Variants in COL2A1 observed in about 807,000 individuals in gnomAD.
COL2A1 encodes the protein collagen alpha-1(II) chain.
Under a neutral mutation model 204.5 loss-of-function variants are expected in COL2A1, and 28 were observed. The observed-to-expected ratio is 0.14, with a 90% CI of 0.10 to 0.19. The LOEUF (loss-of-function observed/expected upper bound fraction) is 0.19. Among genes scored for constraint, COL2A1 ranks in the 10% least tolerant of loss-of-function variants. The pLI is 1.00. For missense variants in COL2A1, 1,388 were observed against 2,027.5 expected (o/e 0.68, Z 6.06); for synonymous variants, 708 against 718.7 (o/e 0.99, Z 0.24).
At chr12:47,977,705 C>G (rs773348184) in intron 44 of COL2A1, 52 bp from the exon 45 acceptor site, 2 of 1,577,874 alleles carry the variant, frequency 1.3e-6, no homozygotes, top group South Asian at 2.3e-5. Flanking sequence ...GCCCATCTCC[C>G]CCTCTGCTCC....
At position 47,980,707 on chromosome 12, in the gene COL2A1, C is replaced by T; in HGVS notation, c.2518-46G>A. 6.4e-7 allele frequency: 1 copy of T among 1,560,620 alleles called. No homozygotes were observed. The highest frequency in any genetic ancestry group is 8.7e-7 in the Non-Finnish European group (1 of 1,144,212). ...CAGGTGAATGAGGGGCAGGCTAAAA[C>T]CCTGGAGCTCTTCCAGAAGAGCAGG... On this transcript the variant is annotated intron_variant, in intron 38 of 53. Transcript: ENST00000380518. The surrounding 1 kb of genome is among the most constrained non-coding windows in gnomAD (Gnocchi z 4.5).
chr12:48,002,883 C>T (rs962683573), intron 1 of COL2A1: 6 of 152,284 alleles, frequency 3.9e-5, no homozygotes, highest in Admixed American at 3.9e-4. Flanking sequence ...TCCAGCCCTG[C>T]CCCCGCTGCG....
chr12:47,977,285 GGGAAGGC>G (rs1237539633), intron 46 of COL2A1, 28 bp downstream of exon 46: 1 of 1,589,592 alleles, frequency 6.3e-7, no homozygotes, highest in Non-Finnish European at 8.6e-7. Context: ...CACCGCGCAG[GGGAAGGC>G]GGCTTTTACT....
In COL2A1 at chr12:47,975,348, G is replaced by T. The variant is rs1006482371; in HGVS notation, c.3855C>A (p.Asp1285Glu). The part of the protein sequence containing the change: ...SRKNPARTCR[D>E]LKLCHPEWKS... ...TCCACTCAGGGTGGCAGAGTTTCAG[G>T]TCTCTGCAGGTGCGAGCAGGGTTCT... Residue 1285 changes from aspartate (D) to glutamate (E), a missense_variant, in exon 51 of 54, where the codon GAC becomes GAA. Transcript: ENST00000380518. The T allele has an allele frequency of 6.2e-7, 1 of 1,614,022 alleles. No homozygotes were observed. Among genetic ancestry groups the T allele is most frequent in the Non-Finnish European group, 8.5e-7 (1 of 1,180,052 alleles).
chr12:47,988,798 C>A (rs1939565884), intron 18 of COL2A1, among the ~76,000 whole-genome samples: 1 of 152,220 alleles, frequency 6.6e-6, no homozygotes. Context: ...AAGCAGAAAC[C>A]CAGAGGGGAG....
chr12:47,993,044 C>T (rs1397305175), intron 15 of COL2A1, 113 bp from the exon 16 acceptor site: 3 of 1,002,006 alleles, frequency 3.0e-6, no homozygotes, highest in Non-Finnish European at 1.6e-6. Context: ...GATGCCCACA[C>T]CCAGGAAAAC....
At position 47,987,769 on chromosome 12, in the gene COL2A1, G is replaced by T. The variant is rs1467606080; in HGVS notation, c.1123-60C>A. Reference sequence around the variant, plus strand: ...AGAGAGGGGACACAGACCTCTAGTGGGTGGGCAATAGCTCAGGGCCAGCTG... The same window carrying T: ...AGAGAGGGGACACAGACCTCTAGTGTGTGGGCAATAGCTCAGGGCCAGCTG... On this transcript the variant is annotated intron_variant, in intron 18 of 53. Transcript: ENST00000380518. The surrounding 1 kb of genome is among the most constrained non-coding windows in gnomAD (Gnocchi z 4.1). 2 of 1,354,256 alleles carry T rather than the reference G, an allele frequency of 1.5e-6. No homozygotes were observed. Among genetic ancestry groups the T allele is most frequent in the African/African-American group, 1.4e-5 (1 of 69,440 alleles). 83.9% of individuals were successfully genotyped at this position (1,354,256 alleles called of 1,614,324 possible).
intron 33 of COL2A1, 81 bp from the exon 34 acceptor site, chr12:47,982,690 G>A (rs1939164184): frequency 1.6e-6 from 2 of 1,286,320 alleles, no homozygotes; most frequent in Admixed American, 1.8e-5. Context: ...GGTAACCAGG[G>A]CCCCAAACCC....
chr12:47,984,422 G>T, intron 28 of COL2A1, 124 bp downstream of exon 28: 1 of 1,029,668 alleles, frequency 9.7e-7, no homozygotes, highest in Non-Finnish European at 1.5e-6. Flanking sequence ...ATGGGGCTCA[G>T]CCACAGAGAT....
At chr12:47,977,558 G>A (rs1347457590) in intron 45 of COL2A1, 42 bp downstream of exon 45, 1 of 1,612,658 alleles carries the variant, frequency 6.2e-7, no homozygotes, top group Non-Finnish European at 8.5e-7. Context: ...CCGAGGCAAT[G>A]TCCTCCCCAA....
rs41317919 is a variant in COL2A1 at position 47,986,967 on chromosome 12, C to T, written c.1366-79G>A. The T allele has an allele frequency of 3.7e-4, 592 of 1,598,824 alleles. 1 individual carries two copies. The Admixed American group carries it at 5.6e-3, about 15-fold the overall frequency. On this transcript the variant is annotated intron_variant, in intron 21 of 53. Coordinates refer to ENST00000380518, the MANE Select transcript of COL2A1 (RefSeq NM_001844.5). ...TCCCCAGAACCCCTGTTCAAGATGCCCTCGGATGGAGGCCGCTGTGAGGCC... is the reference window on the plus strand; with the variant it reads ...TCCCCAGAACCCCTGTTCAAGATGCTCTCGGATGGAGGCCGCTGTGAGGCC...
At position 47,978,861 on chromosome 12, in the gene COL2A1, C is replaced by T. The variant is rs1216261664; in HGVS notation, c.2734-103G>A. ...GTGACAGCAGTTTCCTCTCTGGGGG[C>T]TTCTCTACCTCCCCACACTAAGGGC... is the stretch of plus-strand genomic sequence containing the variant. On this transcript the variant is annotated intron_variant, in intron 41 of 53. Coordinates refer to ENST00000380518, the MANE Select transcript of COL2A1 (RefSeq NM_001844.5). The surrounding 1 kb of genome is among the most constrained non-coding windows in gnomAD (Gnocchi z 5.5). 2.5e-6 allele frequency: 3 copies of T among 1,198,198 alleles called. No homozygotes were observed. The African/African-American group carries it at 4.5e-5, about 18-fold the overall frequency. 74.2% of individuals were successfully genotyped at this position (1,198,198 alleles called of 1,614,324 possible). A position where few individuals can be genotyped will look rare whatever the true frequency, so the allele number is the denominator to read the frequency against.
intron 1 of COL2A1, among the ~76,000 whole-genome samples, chr12:48,003,682 G>A (rs1204491405): frequency 6.6e-6 from 1 of 152,112 alleles, no homozygotes; most frequent in Non-Finnish European, 1.5e-5. Flanking sequence ...TGTGGCCTGG[G>A]ATTTCAGCCC....
rs142786064 is a variant in COL2A1 at position 47,978,037 on chromosome 12, C to T, written c.3084G>A (p.Thr1028=). 5 of 1,613,520 alleles carry T rather than the reference C, an allele frequency of 3.1e-6. No homozygotes were observed. Among genetic ancestry groups the T allele is most frequent in the African/African-American group, 2.7e-5 (2 of 74,872 alleles). ...PPGPVGPPGL[T]GPAGEPGREG... Reference sequence around the variant, plus strand: ...CTCGTCCAGGTTCACCTGCAGGACCCGTCAGGCCAGGAGGACCCACGGGGC... The same window carrying T: ...CTCGTCCAGGTTCACCTGCAGGACCTGTCAGGCCAGGAGGACCCACGGGGC... The change falls in exon 44 of 54, where the codon ACG becomes ACA. Residue 1028 remains threonine, a synonymous_variant. Coordinates refer to ENST00000380518, the MANE Select transcript of COL2A1 (RefSeq NM_001844.5). This position sits in a 1 kb window ranked among gnomAD's most constrained non-coding sequence, Gnocchi z 5.5.
In COL2A1 at chr12:47,978,107, C is replaced by T; in HGVS notation, c.3014G>A (p.Gly1005Asp). The change falls in exon 44 of 54, where the codon GGC becomes GAC. Residue 1005 changes from glycine to aspartate, a missense_variant. Gly to Asp is a moderately conservative substitution (Grantham distance 94, BLOSUM62 -1). Around this residue, in one of 3 missense-constraint regions of COL2A1, gnomAD observed 884 missense variants for 1,415.8 expected, o/e 0.62. Transcript: ENST00000380518. This position sits in a 1 kb window ranked among gnomAD's most constrained non-coding sequence, Gnocchi z 5.5. ...PGLPGPSGEP[G>D]KQGAPGASGD... ...AGATGCTCCAGGAGCACCCTGCTTG[C>T]CGGGCTCACCCTGGAGGGACAGAGA... The T allele has an allele frequency of 6.2e-7, 1 of 1,613,084 alleles. No individual in the cohort carries two copies. Among genetic ancestry groups the T allele is most frequent in the Non-Finnish European group, 8.5e-7 (1 of 1,179,724 alleles).
At position 47,978,545 on chromosome 12, in the gene COL2A1, A is replaced by T. The variant is rs887459714; in HGVS notation, c.2895+52T>A. 2 of 1,610,552 alleles carry T rather than the reference A, an allele frequency of 1.2e-6. No individual in the cohort carries two copies. The highest frequency in any genetic ancestry group is 1.7e-6 in the Non-Finnish European group (2 of 1,178,116). ...CCCATGCTCTGTGAGCTCAGAAGCC[A>T]CTCACGACCCTGCTCCCAGGGACCT... On this transcript the variant is annotated intron_variant, in intron 42 of 53. Coordinates refer to ENST00000380518, the MANE Select transcript of COL2A1 (RefSeq NM_001844.5). This position sits in a 1 kb window ranked among gnomAD's most constrained non-coding sequence, Gnocchi z 5.5.
At chr12:47,991,566 G>T (rs553209203) in intron 16 of COL2A1, among the ~76,000 whole-genome samples, 1 of 152,302 alleles carries the variant, frequency 6.6e-6, no homozygotes, top group African/African-American at 2.4e-5. Context: ...GGAGAGGGAG[G>T]AGTAGCAAAG....
At chr12:48,000,265 T>C (rs1940171969) in intron 1 of COL2A1, 140 bp from the exon 2 acceptor site, 2 of 666,600 alleles carry the variant, frequency 3.0e-6, no homozygotes, top group Admixed American at 4.8e-5. Context: ...CCTGGACATA[T>C]AGAACTTAAA....
At chr12:47,995,844 G>C in intron 9 of COL2A1, 31 bp downstream of exon 9, 1 of 1,609,342 alleles carries the variant, frequency 6.2e-7, no homozygotes, top group Non-Finnish European at 8.5e-7. Context: ...TCTGCGACAC[G>C]ATGGAGGCAA....
Sources: allele counts gnomAD v4.1 joint callset (sites outside exome capture counted in the v4.1 genomes callset), GRCh38; gene constraint gnomAD v4.1.1; regional missense constraint gnomAD v4.1.1; non-coding constraint Gnocchi (gnomAD v3.1); transcripts MANE v1.5; gene names NCBI Gene and HGNC (gene_info 2026-07-23, HGNC 2026-07-21).